Variants in UTP20 observed in about 807,000 individuals in gnomAD.
The protein encoded by UTP20 is UTP20 small subunit processome component.
UTP20 carries 164 observed loss-of-function variants against 329.5 expected under a neutral mutation model. The ratio of observed to expected loss-of-function variants is 0.50; its 90% CI spans 0.44 to 0.57. The LOEUF (loss-of-function observed/expected upper bound fraction) is 0.57. Among genes scored for constraint, UTP20 ranks in the 20% least tolerant of loss-of-function variants. The pLI is 0.00. For missense variants in UTP20, 3,055 were observed against 3,284.2 expected, an observed-to-expected ratio of 0.93 and a Z score of 1.71; for synonymous variants, 1,151 against 1,159.3, an observed-to-expected ratio of 0.99 and a Z score of 0.14.
intron 43 of UTP20, among the ~76,000 whole-genome samples, chr12:101,358,674 G>T (rs948417792): frequency 3.3e-5 from 5 of 152,060 alleles, no homozygotes; most frequent in African/African-American, 1.2e-4. Context: ...TTTCTTTTTA[G>T]CTGTTTAGTT....
intron 52 of UTP20, 107 bp from the exon 53 acceptor site, chr12:101,373,294 T>C (rs193104469): frequency 8.0e-6 from 9 of 1,120,342 alleles, no homozygotes; most frequent in Middle Eastern, 4.6e-4. Context: ...GCATTTTCCA[T>C]TTTTTTAAGA....
At chr12:101,299,084 A>G (rs894978574) in intron 12 of UTP20, among the ~76,000 whole-genome samples, 1 of 152,128 alleles carries the variant, frequency 6.6e-6, no homozygotes, top group Non-Finnish European at 1.5e-5. Flanking sequence ...AATAGGACCG[A>G]GGTGTAGTAC....
In UTP20 at chr12:101,315,482, T is replaced by TA. The variant is rs879469981; in HGVS notation, c.2553-1984dup. ...CTGGGTGACAGAGCGAGATTCCGTCTAAAAAAAAAAAAGGCTAGAACCATG... is the reference window on the plus strand; with the variant it reads ...CTGGGTGACAGAGCGAGATTCCGTCTAAAAAAAAAAAAAGGCTAGAACCATG... On this transcript the variant is annotated intron_variant, in intron 21 of 61. Coordinates refer to ENST00000261637, the MANE Select transcript of UTP20 (RefSeq NM_014503.3). Among the ~76,000 whole-genome samples, 69 of 136,396 alleles carry TA rather than the reference T, an allele frequency of 5.1e-4. 1 individual carries two copies. Among genetic ancestry groups the TA allele is most frequent in the Admixed American group, 7.4e-4 (10 of 13,534 alleles). The allele number at this position is 136,396 out of a possible 152,430, so 89.5% of individuals were successfully genotyped here.
chr12:101,296,766 A>C (rs2137239761), intron 12 of UTP20, among the ~76,000 whole-genome samples: 1 of 152,104 alleles, frequency 6.6e-6, no homozygotes, highest in South Asian at 2.1e-4. Context: ...AAATAAAATA[A>C]AATAAAAATA....
chr12:101,310,597 A>AAAAAAAAAAAAAAAAAAAAAAAAAG (rs1380114662), intron 19 of UTP20, among the ~76,000 whole-genome samples: 1 of 150,342 alleles, frequency 6.7e-6, no homozygotes, highest in African/African-American at 2.5e-5. Flanking sequence ...AAAAAAAAAA[A>AAAAAAAAAAAAAAAAAAAAAAAAAG]ATACATGTTA....
intron 2 of UTP20, among the ~76,000 whole-genome samples, chr12:101,282,441 T>G (rs1421637538): frequency 6.8e-6 from 1 of 147,148 alleles, no homozygotes; most frequent in African/African-American, 2.5e-5. Flanking sequence ...CAGTCCAGTG[T>G]GGTTATAGGT....
chr12:101,320,555 G>GA (rs918685846), intron 23 of UTP20, among the ~76,000 whole-genome samples: 16 of 146,556 alleles, frequency 1.1e-4, no homozygotes, highest in South Asian at 6.5e-4. Context: ...GACTCTGTTT[G>GA]AAAAAAAAAA....
chr12:101,323,245 GTTGT>G (rs1281786491), intron 25 of UTP20, among the ~76,000 whole-genome samples: 1 of 152,112 alleles, frequency 6.6e-6, no homozygotes, highest in South Asian at 2.1e-4. Context: ...TGTAGTTTTT[GTTGT>G]TTATTTTGGT....
Position 101,344,839 on chromosome 12 carries a change from T to A in UTP20, c.4605+89T>A. The A allele has an allele frequency of 3.5e-6, 4 of 1,137,802 alleles. No homozygotes were observed. In the Admixed American group the frequency reaches 8.3e-5, roughly 24 times the overall value. 70.5% of individuals were successfully genotyped at this position (1,137,802 alleles called of 1,614,324 possible). ...TTGCTACTGTTGTATAGAAAAGTAG[T>A]CAGGCTTAGTGCATTTAATGAGAAT... On this transcript the variant is annotated intron_variant, in intron 36 of 61. Coordinates refer to ENST00000261637, the MANE Select transcript of UTP20 (RefSeq NM_014503.3).
intron 6 of UTP20, chr12:101,289,934 C>G (rs34501296): frequency 3.1e-6 from 1 of 327,544 alleles, no homozygotes; most frequent in African/African-American, 2.2e-5. Flanking sequence ...TCCTGTAATA[C>G]CAATGAATTC....
chr12:101,329,512 T>G, intron 27 of UTP20, 63 bp downstream of exon 27: 53 of 1,511,296 alleles, frequency 3.5e-5, no homozygotes, highest in Non-Finnish European at 4.8e-5. Flanking sequence ...GGATTTTAAT[T>G]CCAAGAGCCT....
At chr12:101,379,040 A>G (rs193136712) in intron 56 of UTP20, among the ~76,000 whole-genome samples, 1 of 152,294 alleles carries the variant, frequency 6.6e-6, no homozygotes, top group African/African-American at 2.4e-5. Context: ...TAATGAGAAT[A>G]TCCTTCCCCT....
At chr12:101,352,313 G>A (rs1159728017) in intron 39 of UTP20, 119 bp downstream of exon 39, 2 of 1,139,458 alleles carry the variant, frequency 1.8e-6, no homozygotes, top group East Asian at 2.5e-5. Context: ...TGGACATTTG[G>A]GTTGGTTCCA....
intron 40 of UTP20, among the ~76,000 whole-genome samples, chr12:101,353,783 G>A (rs7316053): frequency 0.21 from 31,283 of 152,124 alleles, 7,046 homozygotes; most frequent in East Asian, 0.55. Flanking sequence ...CTGTAAAAAT[G>A]TAAGATGTAA....
chr12:101,302,657 C>T, intron 15 of UTP20, 104 bp downstream of exon 15: 1 of 696,968 alleles, frequency 1.4e-6, no homozygotes, highest in Non-Finnish European at 2.3e-6. Context: ...CTATTTTATA[C>T]CTGAGTTGTA....
At chr12:101,358,168 A>AT (rs1869790212) in intron 43 of UTP20, among the ~76,000 whole-genome samples, 1 of 152,174 alleles carries the variant, frequency 6.6e-6, no homozygotes, top group African/African-American at 2.4e-5. Context: ...TGTCACATTC[A>AT]TTTTGACTAT....
chr12:101,306,346 G>T (rs760482141), intron 16 of UTP20, among the ~76,000 whole-genome samples: 5 of 151,982 alleles, frequency 3.3e-5, no homozygotes, highest in Non-Finnish European at 7.4e-5. Context: ...AAGTCTTCTA[G>T]GTGGTTCTCC....
intron 57 of UTP20, among the ~76,000 whole-genome samples, chr12:101,380,733 A>G (rs1001483672): frequency 6.6e-6 from 1 of 151,822 alleles, no homozygotes; most frequent in African/African-American, 2.4e-5. Context: ...GTGTGGTGGT[A>G]GGTGCCTGTA....
rs780116724 is a variant in UTP20, at chr12:101,295,596, T to G, written c.1368T>G (p.Pro456=). The G allele has an allele frequency of 6.2e-7, 1 of 1,613,460 alleles. No individual in the cohort carries two copies. Residue 456 remains proline, a synonymous_variant, in exon 12 of 62, where the codon CCT becomes CCG. Coordinates refer to ENST00000261637, the MANE Select transcript of UTP20 (RefSeq NM_014503.3). ...LAKLILNKAA[P]PTAGSMAIEK... ...AGCTCATTCTGAACAAAGCAGCACC[T>G]CCCACTGCTGGCTCGATGGCAATTG...
Sources: allele counts gnomAD v4.1 joint callset (sites outside exome capture counted in the v4.1 genomes callset), GRCh38; gene constraint gnomAD v4.1.1; transcripts MANE v1.5; gene names NCBI Gene and HGNC (gene_info 2026-07-23, HGNC 2026-07-21).